Variants in PAXIP1 observed in about 807,000 individuals in gnomAD.
The protein encoded by PAXIP1 is PAX interacting protein 1.
Under a neutral mutation model 140.6 loss-of-function variants are expected in PAXIP1, and 19 were observed. The ratio of observed to expected loss-of-function variants is 0.14; its 90% confidence interval spans 0.09 to 0.20. The LOEUF is 0.20. Among genes scored for constraint, PAXIP1 ranks in the 10% least tolerant of loss-of-function variants. The pLI, the probability that PAXIP1 is intolerant of heterozygous loss-of-function variation, is 1.00. For synonymous variants in PAXIP1, 442 were observed against 444.6 expected (o/e 0.99, Z 0.07); for missense variants, 920 against 1,208.6 (o/e 0.76, Z 3.54).
intron 2 of PAXIP1, among the ~76,000 whole-genome samples, chr7:154,996,678 C>T (rs1810634886): frequency 6.6e-6 from 1 of 152,162 alleles, no homozygotes; most frequent in African/African-American, 2.4e-5. Flanking sequence ...AGCAGCCATG[C>T]CCAAGTGTTT....
rs1333791078 is a variant in PAXIP1, at chr7:154,977,980, C to CACA, written c.439-1650_439-1649insTGT. Among the ~76,000 whole-genome samples, 850 of 148,658 alleles carry CACA rather than the reference C, an allele frequency of 5.7e-3. 25 individuals carry two copies. The highest frequency in any genetic ancestry group is 0.018 in the African/African-American group (684 of 38,690). The stretch of plus-strand genomic sequence containing the variant: ...AAACTTTTTAATGTACATTTTCGAA[C>CACA]GCAGACCAAATTAGAGACTAGTGGA... On this transcript the variant is annotated intron_variant, in intron 5 of 20. Transcript: ENST00000404141.
chr7:154,957,358 A>G, intron 13 of PAXIP1, 64 bp from the exon 14 acceptor site: 1 of 822,202 alleles, frequency 1.2e-6, no homozygotes, highest in Non-Finnish European at 2.0e-6. Flanking sequence ...TAGCTTCCAG[A>G]AGATTTATGT....
At chr7:154,970,968 T>A (rs1809285480) in intron 6 of PAXIP1, among the ~76,000 whole-genome samples, 1 of 152,172 alleles carries the variant, frequency 6.6e-6, no homozygotes, top group South Asian at 2.1e-4. Context: ...GCTGAACTAG[T>A]CATTACCAAA....
Position 154,987,433 on chromosome 7 carries a change from ATC to A in PAXIP1, c.324+3571_324+3572del, listed in dbSNP as rs1370637898. ...AATAACGTCCTCCTCCTCCAGTATCATCTCTGTTTTCAAGCTCCTTCTTTTTT... is the reference window on the plus strand; with the variant it reads ...AATAACGTCCTCCTCCTCCAGTATCATCTGTTTTCAAGCTCCTTCTTTTTT... On this transcript the variant is annotated intron_variant, in intron 4 of 20. Coordinates refer to ENST00000404141, the MANE Select transcript of PAXIP1 (RefSeq NM_007349.4). Among the ~76,000 whole-genome samples the A allele has an allele frequency of 5.3e-5, 8 of 152,076 alleles. No individual in the cohort carries two copies. In the East Asian group the frequency reaches 5.8e-4, roughly 11 times the overall value.
chr7:155,003,243 G>A (rs976153758), upstream of PAXIP1, among the ~76,000 whole-genome samples: 21 of 92,718 alleles, frequency 2.3e-4, no homozygotes, highest in South Asian at 6.3e-3. Flanking sequence ...CCACGGCTCC[G>A]GGGTAGCTGG....
chr7:154,995,284 T>C (rs987468559), intron 2 of PAXIP1, among the ~76,000 whole-genome samples: 13 of 152,202 alleles, frequency 8.5e-5, no homozygotes, highest in Non-Finnish European at 1.0e-4. Flanking sequence ...AGGGCCAGTC[T>C]GGAAATGTTA....
rs574462635 is a variant in PAXIP1 at position 154,995,383 on chromosome 7, T to C, written c.217-1614A>G. Reference sequence around the variant, plus strand: ...TAGGGTATCCCAGTTTAAAGACTGCTGGCTATCATAAAGTCCCATCCAAGC... The same window carrying C: ...TAGGGTATCCCAGTTTAAAGACTGCCGGCTATCATAAAGTCCCATCCAAGC... On this transcript the variant is annotated intron_variant, in intron 2 of 20. Coordinates refer to ENST00000404141, the MANE Select transcript of PAXIP1 (RefSeq NM_007349.4). Among the ~76,000 whole-genome samples the C allele has an allele frequency of 1.3e-3, 195 of 152,304 alleles. 5 individuals carry two copies. The highest frequency in any genetic ancestry group is 9.4e-4 in the Non-Finnish European group (64 of 68,022).
intron 3 of PAXIP1, among the ~76,000 whole-genome samples, chr7:154,991,997 A>C (rs554669302): frequency 7.2e-5 from 11 of 152,186 alleles, no homozygotes; most frequent in Non-Finnish European, 1.6e-4. Context: ...AAAAACTCTG[A>C]AGACTGCAAT....
chr7:154,969,192 AG>A, intron 6 of PAXIP1, 66 bp from the exon 7 acceptor site: 1 of 1,416,696 alleles, frequency 7.1e-7, no homozygotes, highest in Non-Finnish European at 9.2e-7. Context: ...ATAATTTCTT[AG>A]TCAAGAGAAT....
rs570857196 is a variant in PAXIP1, at chr7:154,998,852, A to G, written c.82-68T>C. ...TGTACTGTACTCTTGAATTACAGAA[A>G]TAATTATTGGGCATAATAGTACTTT... On this transcript the variant is annotated intron_variant, in intron 1 of 20. Coordinates refer to ENST00000404141, the MANE Select transcript of PAXIP1 (RefSeq NM_007349.4). The G allele has an allele frequency of 8.4e-5, 114 of 1,351,004 alleles. No individual in the cohort carries two copies. In the African/African-American group the frequency reaches 1.6e-3, roughly 19 times the overall value. 83.7% of individuals were successfully genotyped at this position (1,351,004 alleles called of 1,614,324 possible). A position where few individuals can be genotyped will look rare whatever the true frequency, so the allele number is the denominator to read the frequency against.
rs1810058784 is a variant in PAXIP1 at position 154,986,129 on chromosome 7, TG to T, written c.325-2798del. On this transcript the variant is annotated intron_variant, in intron 4 of 20. Transcript: ENST00000404141. The surrounding 1 kb of genome is among the most constrained non-coding windows in gnomAD (Gnocchi z 4.8). ...ACAAGCTCCCTTCCCTACCTCTCCC[TG>T]GGAGAGCTCTGGAAGACTCCAACAA... 1.5e-6 allele frequency: 2 copies of T among 1,362,978 alleles called. No individual in the cohort carries two copies. The highest frequency in any genetic ancestry group is 3.0e-5 in the African/African-American group (2 of 67,660). The allele number at this position is 1,362,978 out of a possible 1,614,324, so 84.4% of individuals were successfully genotyped here. A position where few individuals can be genotyped will look rare whatever the true frequency, so the allele number is the denominator to read the frequency against.
At chr7:154,996,959 G>C (rs1168902594) in intron 2 of PAXIP1, among the ~76,000 whole-genome samples, 1 of 152,114 alleles carries the variant, frequency 6.6e-6, no homozygotes, top group Non-Finnish European at 1.5e-5. Flanking sequence ...ATCTGCATAA[G>C]ATATGCAAAG....
rs1179772572 is a variant in PAXIP1 at position 154,946,388 on chromosome 7, G to A, written c.3171C>T (p.Leu1057=). The change falls in exon 20 of 21, where the codon CTC becomes CTT. Residue 1057 remains leucine, a synonymous_variant. Coordinates refer to ENST00000404141, the MANE Select transcript of PAXIP1 (RefSeq NM_007349.4). This position sits in a 1 kb window ranked among gnomAD's most constrained non-coding sequence, Gnocchi z 4.9. ...ATGATTCATAGTCCAGCGTTTGAGT[G>A]AGCACTCCAGTCAGAACGAACTCTG... ...HNAEFVLTGV[L]TQTLDYESYK... 1.2e-5 allele frequency: 20 copies of A among 1,613,912 alleles called. No homozygotes were observed. The highest frequency in any genetic ancestry group is 3.3e-4 in the Middle Eastern group (2 of 6,062).
At chr7:154,960,802 G>C (rs1808724682) in intron 12 of PAXIP1, 91 bp downstream of exon 12, 3 of 903,468 alleles carry the variant, frequency 3.3e-6, no homozygotes, top group Non-Finnish European at 4.8e-6. Flanking sequence ...GCTCAAGCCA[G>C]GCCTGGTAAT....
chr7:154,970,743 C>G (rs998300033), intron 6 of PAXIP1, among the ~76,000 whole-genome samples: 1 of 152,176 alleles, frequency 6.6e-6, no homozygotes, highest in Admixed American at 6.5e-5. Flanking sequence ...GAGCCCTACA[C>G]GGCAAACTGC....
chr7:154,968,892 G>T lies in PAXIP1; in HGVS notation c.1309C>A (p.Gln437Lys). 8.8e-7 allele frequency: 1 copy of T among 1,134,600 alleles called. No individual in the cohort carries two copies. The allele number at this position is 1,134,600 out of a possible 1,614,324, so 70.3% of individuals were successfully genotyped here. ...LQQQQQQQIS[Q>K]QPYPQQPPHP... is the part of the protein sequence containing the mutation. ...GGCGGCTGCTGGGGGTAAGGTTGCTGAGAGATCTGCTGCTGCTGCTGCTGC... is the reference window on the plus strand; with the variant it reads ...GGCGGCTGCTGGGGGTAAGGTTGCTTAGAGATCTGCTGCTGCTGCTGCTGC... The change falls in exon 7 of 21, where the codon CAG (glutamine) becomes AAG (lysine). Residue 437 changes from glutamine to lysine, a missense_variant. By Grantham distance (53) the Gln-to-Lys change is moderately conservative. Coordinates refer to ENST00000404141, the MANE Select transcript of PAXIP1 (RefSeq NM_007349.4).
chr7:154,959,831 T>A lies in PAXIP1; in HGVS notation c.2478+59A>T, dbSNP rs943009466. The A allele has an allele frequency of 2.9e-6, 3 of 1,023,098 alleles. No individual in the cohort carries two copies. In the African/African-American group the frequency reaches 4.8e-5, roughly 16 times the overall value. The allele number at this position is 1,023,098 out of a possible 1,614,324, so 63.4% of individuals were successfully genotyped here. ...TTTTTAATTTATGAAGACAAATACA[T>A]CCCTACTGCATCTTAATAATACAGT... On this transcript the variant is annotated intron_variant, in intron 13 of 20. Coordinates refer to ENST00000404141, the MANE Select transcript of PAXIP1 (RefSeq NM_007349.4).
intron 1 of PAXIP1, 21 bp downstream of exon 1, chr7:155,002,828 C>T (rs958636773): frequency 2.2e-6 from 3 of 1,360,184 alleles, no homozygotes; most frequent in Non-Finnish European, 2.9e-6. Context: ...GAGGAGGCCG[C>T]GGCAGGGGCG....
At chr7:154,991,094 A>G in intron 3 of PAXIP1, 25 bp from the exon 4 acceptor site, 1 of 1,317,420 alleles carries the variant, frequency 7.6e-7, no homozygotes, top group Non-Finnish European at 1.1e-6. Context: ...TTAAGATTAC[A>G]ATGAAATAAG....
Sources: gnomAD v4.1 joint callset for allele counts (sites outside exome capture counted in the v4.1 genomes callset) on GRCh38, gnomAD v4.1.1 for gene constraint, Gnocchi (gnomAD v3.1) non-coding constraint, MANE v1.5 for transcripts, NCBI Gene and HGNC (gene_info 2026-07-23, HGNC 2026-07-21) for gene names.